The following CHRM3 variants were observed in gnomAD, a reference collection of about 807,000 sequenced individuals.
CHRM3 encodes cholinergic receptor muscarinic 3, also known as muscarinic acetylcholine receptor M3.
A neutral mutation model predicts 41.8 loss-of-function variants in CHRM3; 11 were observed. The ratio of observed to expected loss-of-function variants is 0.26; its 90% CI spans 0.17 to 0.44. The LOEUF is 0.44. CHRM3 is among the 20% of genes least tolerant of loss of function. CHRM3 has a pLI of 1.00. For synonymous variants in CHRM3, 297 were observed against 301.4 expected (o/e 0.99, Z 0.15); for missense variants, 571 against 745.4 (o/e 0.77, Z 2.72).
At chr1:239,690,819 A>G (rs1004831229) in intron 5 of CHRM3, among the ~76,000 whole-genome samples, 2 of 151,162 alleles carry the variant, frequency 1.3e-5, no homozygotes, top group Non-Finnish European at 2.9e-5. Flanking sequence ...GAAAAATTTT[A>G]TATATATATA....
At chr1:239,561,990 C>T (rs187678818) in intron 3 of CHRM3, among the ~76,000 whole-genome samples, 36 of 152,214 alleles carry the variant, frequency 2.4e-4, no homozygotes, top group African/African-American at 8.2e-4. Flanking sequence ...GTCCATTGTA[C>T]GGGAGGGCCA....
chr1:239,861,618 T>A lies in CHRM3; in HGVS notation c.-20+34240T>A, dbSNP rs191310506. On this transcript the variant is annotated intron_variant, in intron 6 of 6. Transcript: ENST00000676153. Reference sequence around the variant, plus strand: ...GTCCATGGGACCAAGTTGGGCAAGGTTGGGGCAAGAGAAGTTGTGTGATGT... The same window carrying A: ...GTCCATGGGACCAAGTTGGGCAAGGATGGGGCAAGAGAAGTTGTGTGATGT... Among the ~76,000 whole-genome samples, 10 of 152,096 alleles carry A rather than the reference T, an allele frequency of 6.6e-5. No individual in the cohort carries two copies. In the East Asian group the frequency reaches 1.9e-3, roughly 30 times the overall value.
chr1:239,404,722 A>ATATATAT (rs1553293654), intron 1 of CHRM3, among the ~76,000 whole-genome samples: 17 of 43,050 alleles, frequency 3.9e-4, no homozygotes, highest in African/African-American at 1.7e-3. Context: ...ATATCTAAAT[A>ATATATAT]TATATATATA....
At chr1:239,416,772 A>T (rs1389767454) in intron 1 of CHRM3, among the ~76,000 whole-genome samples, 1 of 152,200 alleles carries the variant, frequency 6.6e-6, no homozygotes, top group Non-Finnish European at 1.5e-5. Context: ...TATAATTTGG[A>T]AGCCCAGATG....
rs569422408 is a variant in CHRM3 at position 239,729,264 on chromosome 1, A to C, written c.-147+50976A>C. ...TTCATCGTTGAGTGAACATTTTTTT[A>C]ATATTCTGTGTGCACAGTGTGATGT... On this transcript the variant is annotated intron_variant, in intron 5 of 6. Transcript: ENST00000676153. 5.3e-5 allele frequency among the ~76,000 whole-genome samples: 8 copies of C among 152,008 alleles called. No homozygotes were observed. In the South Asian group the frequency reaches 1.7e-3, roughly 31 times the overall value.
At chr1:239,407,352 CACTG>C (rs1660672220) in intron 1 of CHRM3, among the ~76,000 whole-genome samples, 2 of 150,648 alleles carry the variant, frequency 1.3e-5, no homozygotes, top group South Asian at 4.2e-4. Flanking sequence ...TTTTTTCACT[CACTG>C]TCTGTTAACG....
At chr1:239,559,924 C>A (rs1420735554) in intron 3 of CHRM3, among the ~76,000 whole-genome samples, 3 of 152,052 alleles carry the variant, frequency 2.0e-5, no homozygotes, top group Non-Finnish European at 2.9e-5. Context: ...GGCTATTGTC[C>A]ATTTATTTTG....
intron 6 of CHRM3, among the ~76,000 whole-genome samples, chr1:239,842,421 G>C (rs539702634): frequency 2.0e-4 from 31 of 152,196 alleles, no homozygotes; most frequent in Admixed American, 1.9e-3. Context: ...TTTTAGTAGA[G>C]ACGGGGTTTC....
At chr1:239,416,969 T>A (rs1661548311) in intron 1 of CHRM3, among the ~76,000 whole-genome samples, 1 of 152,164 alleles carries the variant, frequency 6.6e-6, no homozygotes, top group African/African-American at 2.4e-5. Flanking sequence ...AACAAGGGGA[T>A]GAACTATAAT....
At chr1:239,762,319 A>G (rs1486108968) in intron 5 of CHRM3, among the ~76,000 whole-genome samples, 3 of 152,160 alleles carry the variant, frequency 2.0e-5, no homozygotes. Flanking sequence ...ATCATTATAT[A>G]ACATCTGTGT....
intron 1 of CHRM3, among the ~76,000 whole-genome samples, chr1:239,423,071 A>G (rs1008278694): frequency 1.2e-4 from 18 of 152,136 alleles, no homozygotes; most frequent in Admixed American, 6.5e-5. Flanking sequence ...TCAGTTGGAG[A>G]TATCACTGTC....
In CHRM3 at chr1:239,910,317, G is replaced by GTA. The variant is rs200869434; in HGVS notation, c.*1094_*1095insAT. 4,222 of 127,498 alleles carry GTA rather than the reference G, an allele frequency of 0.033. 127 individuals carry two copies. The highest frequency in any genetic ancestry group is 0.078 in the African/African-American group (2,673 of 34,124). The allele number at this position is 127,498 out of a possible 1,614,324, so 7.9% of individuals were successfully genotyped here. ...GTCATACACAGCAATATATATATAT[G>GTA]TGTATATATATATATATGGCAAAGC... On this transcript the variant is annotated 3_prime_UTR_variant, in exon 7 of 7. Transcript: ENST00000676153.
chr1:239,545,968 G>C (rs538985461), intron 3 of CHRM3: 1 of 152,178 alleles, frequency 6.6e-6, no homozygotes, highest in South Asian at 2.1e-4. Context: ...TGGTAATTAT[G>C]TATACCTATA....
At chr1:239,747,457 A>C (rs1044446682) in intron 5 of CHRM3, among the ~76,000 whole-genome samples, 1 of 152,204 alleles carries the variant, frequency 6.6e-6, no homozygotes, top group African/African-American at 2.4e-5. Context: ...GGAGGTTTGC[A>C]TGTTGTAAAA....
rs537997550 is a variant in CHRM3 at position 239,658,743 on chromosome 1, CT to C, written c.-249-19430del. ...AGCTTCTTCAAGATAATTTTATTGACTTTTTTTTTTTTTGAGACAGAGTCTC... is the reference window on the plus strand; with the variant it reads ...AGCTTCTTCAAGATAATTTTATTGACTTTTTTTTTTTTGAGACAGAGTCTC... On this transcript the variant is annotated intron_variant, in intron 4 of 6. Transcript: ENST00000676153. Among the ~76,000 whole-genome samples the C allele has an allele frequency of 1.6e-3, 233 of 145,412 alleles. 1 individual carries two copies. The Middle Eastern group carries it at 0.024, about 15-fold the overall frequency.
intron 5 of CHRM3, among the ~76,000 whole-genome samples, chr1:239,798,050 A>G (rs1227512207): frequency 1.1e-4 from 17 of 152,030 alleles, no homozygotes; most frequent in Admixed American, 1.1e-3. Context: ...CCCTATCTCT[A>G]CAAAAAAAAA....
chr1:239,412,070 G>T (rs904421090), intron 1 of CHRM3, among the ~76,000 whole-genome samples: 19 of 150,706 alleles, frequency 1.3e-4, no homozygotes, highest in Non-Finnish European at 2.5e-4. Flanking sequence ...TAAAAATTTT[G>T]GTTATATTAA....
At chr1:239,526,529 G>A (rs1670004714) in intron 2 of CHRM3, among the ~76,000 whole-genome samples, 1 of 152,124 alleles carries the variant, frequency 6.6e-6, no homozygotes, top group South Asian at 2.1e-4. Context: ...AGAAGCCCCT[G>A]TGTGGGTTTG....
chr1:239,539,970 T>A (rs890308366), intron 2 of CHRM3, among the ~76,000 whole-genome samples: 10 of 152,200 alleles, frequency 6.6e-5, no homozygotes, highest in Admixed American at 2.6e-4. Flanking sequence ...CATACACAGA[T>A]GTTTCCTATT....
Sources: gnomAD v4.1 joint callset for allele counts (sites outside exome capture counted in the v4.1 genomes callset) on GRCh38, gnomAD v4.1.1 for gene constraint, MANE v1.5 for transcripts, NCBI Gene and HGNC (gene_info 2026-07-23, HGNC 2026-07-21) for gene names.